Variants in SUGCT observed in about 807,000 individuals in gnomAD.
SUGCT encodes succinyl-CoA:glutarate CoA-transferase.
SUGCT carries 41 observed loss-of-function variants against 55.0 expected under a neutral mutation model. That is an observed-to-expected ratio of 0.74 (90% CI 0.58 to 0.97). SUGCT has a LOEUF of 0.97. Among genes scored for constraint, SUGCT ranks in the 50% least tolerant of loss-of-function variants. The pLI is 0.00. For synonymous variants in SUGCT, 187 were observed against 200.4 expected, an observed-to-expected ratio of 0.93 and a Z score of 0.56; for missense variants, 568 against 547.8, an observed-to-expected ratio of 1.04 and a Z score of -0.37.
At chr7:40,532,259 C>A (rs1387141557) in intron 12 of SUGCT, among the ~76,000 whole-genome samples, 1 of 152,148 alleles carries the variant, frequency 6.6e-6, no homozygotes, top group Admixed American at 6.6e-5. Flanking sequence ...TAGTTTGGAA[C>A]CATTAAAATG....
chr7:40,936,916 C>A, the SUGCT span, among the ~76,000 whole-genome samples: 90 of 151,906 alleles, frequency 5.9e-4, no homozygotes, highest in Middle Eastern at 3.4e-3. Flanking sequence ...CACAAATTTC[C>A]TTCTAGTATT....
chr7:40,595,005 G>A (rs1797926348), intron 12 of SUGCT, among the ~76,000 whole-genome samples: 1 of 152,072 alleles, frequency 6.6e-6, no homozygotes, highest in Non-Finnish European at 1.5e-5. Flanking sequence ...CTTTAGGGTA[G>A]CCATTGGCCC....
intron 12 of SUGCT, among the ~76,000 whole-genome samples, chr7:40,693,513 T>C (rs1463657429): frequency 6.6e-6 from 1 of 152,208 alleles, no homozygotes; most frequent in Non-Finnish European, 1.5e-5. Flanking sequence ...TAAGTAAGTT[T>C]CCTAAAGTCA....
chr7:40,182,746 A>G (rs1785290332), intron 3 of SUGCT, among the ~76,000 whole-genome samples: 1 of 152,128 alleles, frequency 6.6e-6, no homozygotes, highest in Non-Finnish European at 1.5e-5. Flanking sequence ...AGGCACAGAG[A>G]AGTAAAGCAA....
At chr7:40,149,464 T>C (rs1217472981) in intron 1 of SUGCT, among the ~76,000 whole-genome samples, 1 of 152,178 alleles carries the variant, frequency 6.6e-6, no homozygotes, top group African/African-American at 2.4e-5. Context: ...AGATTTCCTT[T>C]GTAGGACTAG....
chr7:40,955,957 C>T, the SUGCT span, among the ~76,000 whole-genome samples: 4 of 152,154 alleles, frequency 2.6e-5, no homozygotes, highest in Non-Finnish European at 5.9e-5. Flanking sequence ...GTTGACCAGC[C>T]TTGTATCACA....
At chr7:40,449,897 C>A (rs1461416109) in intron 10 of SUGCT, among the ~76,000 whole-genome samples, 1 of 151,882 alleles carries the variant, frequency 6.6e-6, no homozygotes, top group Non-Finnish European at 1.5e-5. Flanking sequence ...TAAATTGTTC[C>A]TTCTCAACAA....
chr7:40,895,210 A>C, the SUGCT span, among the ~76,000 whole-genome samples: 1 of 152,176 alleles, frequency 6.6e-6, no homozygotes, highest in Non-Finnish European at 1.5e-5. Context: ...CTAACACAGG[A>C]ACAGAAAATC....
At chr7:40,383,832 A>G (rs1232547042) in intron 9 of SUGCT, among the ~76,000 whole-genome samples, 1 of 152,186 alleles carries the variant, frequency 6.6e-6, no homozygotes, top group African/African-American at 2.4e-5. Context: ...CTTAGATGAC[A>G]CTAAAATGTG....
chr7:40,344,402 T>C (rs1584732799), intron 9 of SUGCT, among the ~76,000 whole-genome samples: 1 of 152,182 alleles, frequency 6.6e-6, no homozygotes, highest in Non-Finnish European at 1.5e-5. Context: ...CCCATGGATC[T>C]GTGCTGATTT....
chr7:40,707,453 A>G (rs1398880395), intron 12 of SUGCT, among the ~76,000 whole-genome samples: 2 of 152,198 alleles, frequency 1.3e-5, no homozygotes, highest in East Asian at 3.9e-4. Context: ...AAGAGAGGAA[A>G]AGTGTGTGTT....
chr7:40,303,059 A>G (rs1215537922), intron 8 of SUGCT, among the ~76,000 whole-genome samples: 1 of 151,862 alleles, frequency 6.6e-6, no homozygotes, highest in African/African-American at 2.4e-5. Flanking sequence ...TTTGAGATGG[A>G]GTCTTGCCCT....
intron 13 of SUGCT, among the ~76,000 whole-genome samples, chr7:40,820,024 C>T (rs1791896832): frequency 6.6e-6 from 1 of 152,132 alleles, no homozygotes. Flanking sequence ...GAATCCTTCC[C>T]CCATTTCTTG....
At chr7:40,204,000 T>G (rs895176969) in intron 6 of SUGCT, among the ~76,000 whole-genome samples, 5 of 152,146 alleles carry the variant, frequency 3.3e-5, no homozygotes, top group Non-Finnish European at 5.9e-5. Flanking sequence ...GTGAATTTTT[T>G]TTTTTTGAGA....
At chr7:40,898,847 C>T in the SUGCT span, among the ~76,000 whole-genome samples, 20 of 152,024 alleles carry the variant, frequency 1.3e-4, no homozygotes, top group African/African-American at 4.6e-4. Context: ...TTAGGTGATT[C>T]ATGTGATCAA....
At chr7:40,409,311 T>C (rs905014778) in intron 9 of SUGCT, among the ~76,000 whole-genome samples, 7 of 151,888 alleles carry the variant, frequency 4.6e-5, no homozygotes, top group Admixed American at 1.3e-4. Context: ...TTGCCCGGGC[T>C]GTATTGCAAT....
At chr7:40,805,296 C>T (rs1009337369) in intron 13 of SUGCT, among the ~76,000 whole-genome samples, 2 of 152,036 alleles carry the variant, frequency 1.3e-5, no homozygotes, top group South Asian at 2.1e-4. Context: ...CCAAATTCTG[C>T]CCACCCTCAG....
chr7:40,343,787 G>A (rs1250432833), intron 9 of SUGCT, among the ~76,000 whole-genome samples: 2 of 151,894 alleles, frequency 1.3e-5, no homozygotes, highest in Non-Finnish European at 1.5e-5. Flanking sequence ...CTCCTGAGTA[G>A]CTGGGACTAC....
chr7:40,780,131 G>A (rs1264517646), intron 13 of SUGCT, among the ~76,000 whole-genome samples: 2 of 152,156 alleles, frequency 1.3e-5, no homozygotes, highest in African/African-American at 4.8e-5. Context: ...TTCGGCTGGT[G>A]ATTTGTAGCC....
Sources: allele counts gnomAD v4.1 joint callset (sites outside exome capture counted in the v4.1 genomes callset), GRCh38; gene constraint gnomAD v4.1.1; transcripts MANE v1.5; gene names NCBI Gene and HGNC (gene_info 2026-07-23, HGNC 2026-07-21).